PBX3: variants seen among roughly 807,000 people sequenced by gnomAD.
PBX3 encodes the protein pre-B-cell leukemia transcription factor 3.
In PBX3, 14 loss-of-function variants were observed where a neutral mutation model predicts 48.5. The ratio of observed to expected loss-of-function variants is 0.29; its 90% CI spans 0.19 to 0.45. The LOEUF (loss-of-function observed/expected upper bound fraction) is 0.45, where lower values mean the gene tolerates loss of function less well. Ranked by LOEUF, PBX3 falls within the 20% of genes least tolerant of loss-of-function variation. PBX3 has a pLI of 1.00. For missense variants in PBX3, 386 were observed against 546.7 expected, an observed-to-expected ratio of 0.71 and a Z score of 2.93; for synonymous variants, 210 against 200.3, an observed-to-expected ratio of 1.05 and a Z score of -0.41.
intron 2 of PBX3, among the ~76,000 whole-genome samples, chr9:125,785,022 T>G (rs949184941): frequency 6.6e-6 from 1 of 152,248 alleles, no homozygotes. Flanking sequence ...CTTTTGTTAC[T>G]TTACTGTTTG....
intron 2 of PBX3, among the ~76,000 whole-genome samples, chr9:125,807,706 T>G (rs1838167903): frequency 1.3e-5 from 2 of 152,158 alleles, no homozygotes; most frequent in African/African-American, 2.4e-5. Context: ...TGTTTTTTTT[T>G]TATTGTAGGT....
intron 2 of PBX3, among the ~76,000 whole-genome samples, chr9:125,855,522 C>A (rs1839696951): frequency 6.6e-6 from 1 of 151,720 alleles, no homozygotes; most frequent in Non-Finnish European, 1.5e-5. Flanking sequence ...AGATTTTTTT[C>A]TTTTTAAAAA....
intron 2 of PBX3, among the ~76,000 whole-genome samples, chr9:125,797,138 ATATGT>A (rs1244210019): frequency 2.0e-5 from 3 of 152,174 alleles, no homozygotes; most frequent in Non-Finnish European, 2.9e-5. Context: ...TGAGACATTA[ATATGT>A]TATATCAAAA....
At chr9:125,908,711 A>T (rs916238762) in intron 2 of PBX3, among the ~76,000 whole-genome samples, 2 of 152,010 alleles carry the variant, frequency 1.3e-5, no homozygotes, top group African/African-American at 2.4e-5. Flanking sequence ...CTTTCCCCCG[A>T]CTTAGATTCT....
At chr9:125,822,188 T>TAGTAC (rs1838672104) in intron 2 of PBX3, among the ~76,000 whole-genome samples, 1 of 152,130 alleles carries the variant, frequency 6.6e-6, no homozygotes, top group Admixed American at 6.5e-5. Context: ...TAAAGGTGGG[T>TAGTAC]AGTAAATGGT....
intron 4 of PBX3, among the ~76,000 whole-genome samples, chr9:125,934,523 T>C (rs1279107190): frequency 6.6e-6 from 1 of 152,178 alleles, no homozygotes; most frequent in Non-Finnish European, 1.5e-5. Context: ...TAAATGACAT[T>C]TTTGCTACTT....
chr9:125,956,337 C>T (rs966430267), intron 5 of PBX3, among the ~76,000 whole-genome samples: 1 of 152,166 alleles, frequency 6.6e-6, no homozygotes, highest in Non-Finnish European at 1.5e-5. Flanking sequence ...TCAACTCCCT[C>T]CAAGTCAGAG....
At chr9:125,835,295 C>T (rs1839100061) in intron 2 of PBX3, among the ~76,000 whole-genome samples, 1 of 152,010 alleles carries the variant, frequency 6.6e-6, no homozygotes, top group Non-Finnish European at 1.5e-5. Flanking sequence ...GAAGAGGAGA[C>T]ACAGAGGTTA....
chr9:125,750,976 A>C (rs573728028), intron 2 of PBX3, among the ~76,000 whole-genome samples: 124 of 152,344 alleles, frequency 8.1e-4, no homozygotes, highest in Non-Finnish European at 3.2e-4. Context: ...CATTAGTGTT[A>C]CCAAAGCAAA....
chr9:125,761,010 A>C (rs1836651467), intron 2 of PBX3, among the ~76,000 whole-genome samples: 1 of 152,178 alleles, frequency 6.6e-6, no homozygotes, highest in African/African-American at 2.4e-5. Flanking sequence ...AAAGGCTTTA[A>C]ACTCATCCAC....
At chr9:125,839,861 C>T (rs532008378) in intron 2 of PBX3, among the ~76,000 whole-genome samples, 2 of 152,224 alleles carry the variant, frequency 1.3e-5, no homozygotes, top group Admixed American at 6.5e-5. Flanking sequence ...ATAATTTACT[C>T]CTGACATCTG....
intron 2 of PBX3, among the ~76,000 whole-genome samples, chr9:125,793,044 A>G (rs532681824): frequency 6.6e-6 from 1 of 151,760 alleles, no homozygotes; most frequent in Non-Finnish European, 1.5e-5. Context: ...AAAATGTACA[A>G]TTTGATAAGT....
At chr9:125,830,420 T>C (rs185861813) in intron 2 of PBX3, among the ~76,000 whole-genome samples, 1 of 152,240 alleles carries the variant, frequency 6.6e-6, no homozygotes. Context: ...TAATGTTACA[T>C]TGGTGATAGT....
intron 2 of PBX3, among the ~76,000 whole-genome samples, chr9:125,791,279 T>TTGTC (rs1219128926): frequency 3.0e-5 from 4 of 134,582 alleles, no homozygotes; most frequent in African/African-American, 1.1e-4. Flanking sequence ...ACATACATTT[T>TTGTC]TATCTGTCTG....
rs1841597209 is a variant in PBX3 at position 125,927,197 on chromosome 9, T to A, written c.517-2458T>A. Among the ~76,000 whole-genome samples, 4 of 152,220 alleles carry A rather than the reference T, an allele frequency of 2.6e-5. No homozygotes were observed. In the South Asian group the frequency reaches 8.3e-4, roughly 32 times the overall value. On this transcript the variant is annotated intron_variant, in intron 3 of 8. Coordinates refer to ENST00000373489, the MANE Select transcript of PBX3 (RefSeq NM_006195.6). ...CATAACTCTCACTCTTGAATTGTAG[T>A]ATTAAAAAGCCCACCAATCTGTAGA...
intron 2 of PBX3, among the ~76,000 whole-genome samples, chr9:125,907,459 TA>T (rs917969804): frequency 1.3e-5 from 2 of 152,010 alleles, no homozygotes; most frequent in Non-Finnish European, 2.9e-5. Context: ...GTATTTTAAT[TA>T]AAAAAAGACT....
intron 2 of PBX3, among the ~76,000 whole-genome samples, chr9:125,881,557 G>T (rs943536965): frequency 1.3e-5 from 2 of 151,832 alleles, no homozygotes; most frequent in Non-Finnish European, 2.9e-5. Context: ...ATCAATTTTT[G>T]TGAATCTCCC....
rs111944726 is a variant in PBX3 at position 125,951,617 on chromosome 9, G to A, written c.844-9067G>A. Among the ~76,000 whole-genome samples the A allele has an allele frequency of 9.7e-4, 147 of 152,236 alleles. 2 individuals carry two copies. The highest frequency in any genetic ancestry group is 3.5e-3 in the African/African-American group (144 of 41,518). On this transcript the variant is annotated intron_variant, in intron 5 of 8. Coordinates refer to ENST00000373489, the MANE Select transcript of PBX3 (RefSeq NM_006195.6). Reference sequence around the variant, plus strand: ...TTTACTGAGTGCCTGGTACATCCCTGGCACAGTCCTATATATTTAACATGC... The same window carrying A: ...TTTACTGAGTGCCTGGTACATCCCTAGCACAGTCCTATATATTTAACATGC...
chr9:125,925,928 A>T (rs1475464000), intron 3 of PBX3, among the ~76,000 whole-genome samples: 1 of 152,186 alleles, frequency 6.6e-6, no homozygotes. Context: ...ACCCACAAAA[A>T]GTTTTTAAGA....
Sources: allele counts gnomAD v4.1 joint callset (sites outside exome capture counted in the v4.1 genomes callset), GRCh38; gene constraint gnomAD v4.1.1; transcripts MANE v1.5; gene names NCBI Gene and HGNC (gene_info 2026-07-23, HGNC 2026-07-21).